The following ATRNL1 variants were observed in gnomAD, a reference collection of about 807,000 sequenced individuals.
The protein encoded by ATRNL1 is attractin-like protein 1.
In ATRNL1, 95 loss-of-function variants were observed where a neutral mutation model predicts 182.7. That is an observed-to-expected ratio of 0.52 (90% CI 0.44 to 0.62). The LOEUF is 0.62. Ranked by LOEUF, ATRNL1 falls within the 20% of genes least tolerant of loss-of-function variation. The probability of loss-of-function intolerance (pLI) is 0.00; values close to 1 mark genes in which losing one functional copy is unlikely to be tolerated. For missense variants in ATRNL1, 1,471 were observed against 1,679.5 expected (o/e 0.88, Z 2.17); for synonymous variants, 576 against 568.3 (o/e 1.01, Z -0.19).
intron 21 of ATRNL1, among the ~76,000 whole-genome samples, chr10:115,441,323 C>T (rs1049690259): frequency 6.6e-6 from 1 of 151,786 alleles, no homozygotes; most frequent in Admixed American, 6.6e-5. Context: ...CAGATCAACC[C>T]TTCTCAAAAT....
chr10:115,281,483 A>G lies in ATRNL1; in HGVS notation c.2229A>G (p.Leu743=). 3 of 1,613,024 alleles carry G rather than the reference A, an allele frequency of 1.9e-6. No homozygotes were observed. Among genetic ancestry groups the G allele is most frequent in the Non-Finnish European group, 2.5e-6 (3 of 1,179,458 alleles). ...AGAGACAGCAAGAATGCCAGGCTTT[A>G]CCAGGTAAAGATTTCAAAATTTAGT... ...WDQRQQECQA[L]PAHLCGEGWS... is the part of the protein sequence containing the mutation. The change falls in exon 14 of 29, where the codon TTA becomes TTG. Residue 743 remains leucine, a synonymous_variant. Transcript: ENST00000355044.
At chr10:115,529,569 G>GC (rs1179155075) in intron 25 of ATRNL1, among the ~76,000 whole-genome samples, 6 of 151,110 alleles carry the variant, frequency 4.0e-5, no homozygotes, top group Admixed American at 4.0e-4. Context: ...AAGAATTATA[G>GC]TTTTTTTTAT....
chr10:115,333,051 T>C (rs1197720771), intron 18 of ATRNL1, among the ~76,000 whole-genome samples: 3 of 152,224 alleles, frequency 2.0e-5, no homozygotes, highest in Non-Finnish European at 4.4e-5. Flanking sequence ...AAATTGATGC[T>C]TATGTACACT....
chr10:115,854,302 C>T (rs955784152), intron 28 of ATRNL1, among the ~76,000 whole-genome samples: 10 of 152,222 alleles, frequency 6.6e-5, no homozygotes, highest in Middle Eastern at 3.4e-3. Context: ...GTCGATTATT[C>T]CCCCACTTCA....
At chr10:115,832,251 T>C (rs1950576977) in intron 27 of ATRNL1, among the ~76,000 whole-genome samples, 1 of 152,160 alleles carries the variant, frequency 6.6e-6, no homozygotes, top group South Asian at 2.1e-4. Flanking sequence ...AATCCAGGAT[T>C]TTCCCACCAT....
chr10:115,815,213 C>T (rs1950133400), intron 27 of ATRNL1, among the ~76,000 whole-genome samples: 1 of 152,136 alleles, frequency 6.6e-6, no homozygotes, highest in African/African-American at 2.4e-5. Context: ...TAGAGTCTCA[C>T]AAGCTAAGAC....
At chr10:115,154,679 A>T (rs1390078595) in intron 5 of ATRNL1, among the ~76,000 whole-genome samples, 1 of 152,072 alleles carries the variant, frequency 6.6e-6, no homozygotes, top group East Asian at 1.9e-4. Flanking sequence ...TGTTGATTGA[A>T]ATGTTCTGTA....
chr10:115,717,548 CT>C (rs61386440), intron 26 of ATRNL1, among the ~76,000 whole-genome samples: 2,369 of 84,276 alleles, frequency 0.028, 31 homozygotes, highest in African/African-American at 0.096. Context: ...CTGAAATGTT[CT>C]TTTTTTTTTT....
Position 115,441,185 on chromosome 10 carries a change from G to A in ATRNL1, c.3322+14883G>A, listed in dbSNP as rs541140811. Among the ~76,000 whole-genome samples the A allele has an allele frequency of 4.6e-5, 7 of 151,894 alleles. No homozygotes were observed. In the South Asian group the frequency reaches 1.5e-3, roughly 32 times the overall value. On this transcript the variant is annotated intron_variant, in intron 21 of 28. Transcript: ENST00000355044. ...TTCCATTTCTGCTTTATCAACAGTT[G>A]CTTAGACTCTACTGGACCAATTTCC...
At chr10:115,500,564 A>G (rs1312198056) in intron 24 of ATRNL1, among the ~76,000 whole-genome samples, 2 of 151,914 alleles carry the variant, frequency 1.3e-5, no homozygotes, top group Non-Finnish European at 2.9e-5. Flanking sequence ...TTTTTTTGAA[A>G]TGGAGTTTTG....
chr10:115,942,485 C>A (rs951020964), intron 28 of ATRNL1, among the ~76,000 whole-genome samples: 1 of 152,214 alleles, frequency 6.6e-6, no homozygotes, highest in African/African-American at 2.4e-5. Context: ...CCTTGACTCC[C>A]GCAACACTGC....
At chr10:115,383,948 T>C (rs1417548080) in intron 19 of ATRNL1, among the ~76,000 whole-genome samples, 1 of 152,038 alleles carries the variant, frequency 6.6e-6, no homozygotes, top group African/African-American at 2.4e-5. Flanking sequence ...GCTGACTTGA[T>C]ATCAACTGAG....
At chr10:115,576,847 T>TC (rs1854743067) in intron 26 of ATRNL1, among the ~76,000 whole-genome samples, 3 of 152,078 alleles carry the variant, frequency 2.0e-5, no homozygotes, top group African/African-American at 7.2e-5. Flanking sequence ...TATTTTCATC[T>TC]AAGAGTTTTT....
chr10:115,254,094 A>G (rs1185888498), intron 10 of ATRNL1, among the ~76,000 whole-genome samples: 4 of 152,188 alleles, frequency 2.6e-5, no homozygotes, highest in Non-Finnish European at 5.9e-5. Flanking sequence ...CGCAGTAAAC[A>G]TATGTGTGCA....
chr10:115,250,253 C>T (rs782305360), intron 10 of ATRNL1, among the ~76,000 whole-genome samples: 2 of 152,158 alleles, frequency 1.3e-5, no homozygotes, highest in Non-Finnish European at 2.9e-5. Context: ...AACACATAGT[C>T]ACTTGATTAC....
At chr10:115,160,909 T>G (rs1846754424) in intron 6 of ATRNL1, among the ~76,000 whole-genome samples, 1 of 151,958 alleles carries the variant, frequency 6.6e-6, no homozygotes. Context: ...GAACTTGCCC[T>G]GGACAGTATG....
chr10:115,254,483 G>T (rs1851027508), intron 10 of ATRNL1, among the ~76,000 whole-genome samples: 1 of 152,042 alleles, frequency 6.6e-6, no homozygotes. Context: ...TGATGGGGTT[G>T]TTTGTTTTTT....
chr10:115,738,627 A>T lies in ATRNL1; in HGVS notation c.3903+11272A>T, dbSNP rs186607086. 2.5e-3 allele frequency among the ~76,000 whole-genome samples: 381 copies of T among 152,226 alleles called. 3 individuals carry two copies. Among genetic ancestry groups the T allele is most frequent in the African/African-American group, 8.7e-3 (361 of 41,540 alleles). On this transcript the variant is annotated intron_variant, in intron 27 of 28. Coordinates refer to ENST00000355044, the MANE Select transcript of ATRNL1 (RefSeq NM_207303.4). ...TTTAGCAGGCAATGTTTTGGAAAAA[A>T]TGTTTTGGAAATGTCAGATTTGTAG...
rs55672034 is a variant in ATRNL1, at chr10:115,452,725, A to G, written c.3323-9216A>G. On this transcript the variant is annotated intron_variant, in intron 21 of 28. Coordinates refer to ENST00000355044, the MANE Select transcript of ATRNL1 (RefSeq NM_207303.4). ...TAATATAAGACCTAACTTGTTAGCA[A>G]ATTTTAAAAATATACAATACAGTAT... Among the ~76,000 whole-genome samples the G allele has an allele frequency of 4.5e-3, 682 of 152,256 alleles. 8 individuals are homozygous for G. Among genetic ancestry groups the G allele is most frequent in the African/African-American group, 0.015 (629 of 41,572 alleles).
Sources: gnomAD v4.1 joint callset for allele counts (sites outside exome capture counted in the v4.1 genomes callset) on GRCh38, gnomAD v4.1.1 for gene constraint, MANE v1.5 for transcripts, NCBI Gene and HGNC (gene_info 2026-07-23, HGNC 2026-07-21) for gene names.